Variants in IFNAR2 observed in about 807,000 individuals in gnomAD.
IFNAR2 encodes the protein interferon alpha and beta receptor subunit 2.
IFNAR2 carries 30 observed loss-of-function variants against 49.4 expected under a neutral mutation model. The ratio of observed to expected loss-of-function variants is 0.61; its 90% CI spans 0.45 to 0.82. The LOEUF is 0.82. Ranked by LOEUF, IFNAR2 falls within the 40% of genes least tolerant of loss-of-function variation. IFNAR2 has a pLI of 0.00. For synonymous variants in IFNAR2, 224 were observed against 234.5 expected (o/e 0.96, Z 0.41); for missense variants, 600 against 622.7 (o/e 0.96, Z 0.39).
In IFNAR2 at chr21:33,243,710, G is replaced by A. The variant is rs775529446; in HGVS notation, c.93G>A (p.Ser31=). 50 of 1,611,754 alleles carry A rather than the reference G, an allele frequency of 3.1e-5. No individual in the cohort carries two copies. The highest frequency in any genetic ancestry group is 1.6e-4 in the Middle Eastern group (1 of 6,076). Reference sequence around the variant, plus strand: ...TCGTGTTTGGTATTTCATATGATTCGCCTGGTAAGAGATGTTTTTTGGCTT... The same window carrying A: ...TCGTGTTTGGTATTTCATATGATTCACCTGGTAAGAGATGTTTTTTGGCTT... The part of the protein sequence containing the change: ...ISLVFGISYD[S]PDYTDESCTF... The change falls in exon 3 of 9, where the codon TCG becomes TCA. Residue 31 remains serine (S), a synonymous_variant. Coordinates refer to ENST00000342136, the MANE Select transcript of IFNAR2 (RefSeq NM_001289125.3).
At chr21:33,254,695 G>T (rs1195446647) in intron 7 of IFNAR2, among the ~76,000 whole-genome samples, 1 of 152,104 alleles carries the variant, frequency 6.6e-6, no homozygotes, top group Non-Finnish European at 1.5e-5. Flanking sequence ...GAAAATCTTT[G>T]AATCTACCTA....
chr21:33,253,247 G>T (rs1371734485), intron 7 of IFNAR2, among the ~76,000 whole-genome samples: 2 of 152,180 alleles, frequency 1.3e-5, no homozygotes, highest in Admixed American at 1.3e-4. Flanking sequence ...ATGTGATCTG[G>T]CATCAGCTCT....
intron 1 of IFNAR2, among the ~76,000 whole-genome samples, chr21:33,234,241 C>A (rs903599399): frequency 7.4e-6 from 1 of 134,788 alleles, no homozygotes; most frequent in Non-Finnish European, 1.6e-5. Context: ...ATAGAAAGAT[C>A]TGTGGGATTA....
At position 33,260,164 on chromosome 21, in the gene IFNAR2, A is replaced by T. The variant is rs965835825; in HGVS notation, c.710-433A>T. On this transcript the variant is annotated intron_variant, in intron 7 of 8. Transcript: ENST00000342136. ...CCCAGCGTGGCTAAAGTCCAGCCTCAGAATGACCCAGTTGGTTGTTTTCAA... is the reference window on the plus strand; with the variant it reads ...CCCAGCGTGGCTAAAGTCCAGCCTCTGAATGACCCAGTTGGTTGTTTTCAA... Among the ~76,000 whole-genome samples, 3 of 152,206 alleles carry T rather than the reference A, an allele frequency of 2.0e-5. No homozygotes were observed. The South Asian group carries it at 6.2e-4, about 31-fold the overall frequency.
chr21:33,246,365 C>T (rs1250018051), intron 4 of IFNAR2, among the ~76,000 whole-genome samples: 3 of 152,146 alleles, frequency 2.0e-5, no homozygotes, highest in East Asian at 1.9e-4. Flanking sequence ...CCACTGCACC[C>T]GGCTCCTCCG....
intron 7 of IFNAR2, among the ~76,000 whole-genome samples, chr21:33,259,615 A>G (rs1988434711): frequency 6.6e-6 from 1 of 152,202 alleles, no homozygotes; most frequent in African/African-American, 2.4e-5. Flanking sequence ...TCACCAGTGA[A>G]ATCACTTTGG....
chr21:33,243,627 GC>G, intron 2 of IFNAR2, 45 bp from the exon 3 acceptor site: 1 of 1,521,186 alleles, frequency 6.6e-7, no homozygotes, highest in African/African-American at 1.4e-5. Flanking sequence ...TGCAAGTTGA[GC>G]CCAGATAAAA....
intron 6 of IFNAR2, 97 bp from the exon 7 acceptor site, chr21:33,252,565 A>G: frequency 3.4e-6 from 5 of 1,489,178 alleles, no homozygotes; most frequent in Non-Finnish European, 3.6e-6. Flanking sequence ...TGATAAATCT[A>G]ACCCTGTTTG....
intron 5 of IFNAR2, 66 bp downstream of exon 5, chr21:33,246,956 T>A: frequency 7.2e-7 from 1 of 1,396,968 alleles, no homozygotes; most frequent in Non-Finnish European, 1.0e-6. Context: ...TGCTATTCCA[T>A]GAAATAGGAG....
intron 1 of IFNAR2, chr21:33,236,856 A>G: frequency 1.0e-6 from 1 of 985,290 alleles, no homozygotes; most frequent in Non-Finnish European, 1.2e-6. Flanking sequence ...GGGTACTGAG[A>G]CTAGCCCTGT....
intron 1 of IFNAR2, among the ~76,000 whole-genome samples, chr21:33,233,583 G>A (rs1986218102): frequency 6.6e-6 from 1 of 152,198 alleles, no homozygotes; most frequent in Non-Finnish European, 1.5e-5. Context: ...TCAGACTTCA[G>A]TGCAGCACTA....
At chr21:33,247,787 GA>G (rs1166616806) in intron 5 of IFNAR2, among the ~76,000 whole-genome samples, 1 of 152,172 alleles carries the variant, frequency 6.6e-6, no homozygotes, top group Non-Finnish European at 1.5e-5. Flanking sequence ...GAGTTTCCAA[GA>G]GAACCATCTG....
At position 33,241,987 on chromosome 21, in the gene IFNAR2, G is replaced by C. The variant is rs1469577615; in HGVS notation, c.55+10G>C. 3.1e-6 allele frequency: 5 copies of C among 1,609,374 alleles called. No homozygotes were observed. The Admixed American group carries it at 5.1e-5, about 16-fold the overall frequency. ...AATTTGGTTCTCATGGGTAAGTGCTGCTTTTTATCTTAGCTCTTATAGAAG... is the reference window on the plus strand; with the variant it reads ...AATTTGGTTCTCATGGGTAAGTGCTCCTTTTTATCTTAGCTCTTATAGAAG... On this transcript the variant is annotated intron_variant, in intron 2 of 8. Transcript: ENST00000342136.
At chr21:33,231,404 A>T (rs996929015) in intron 1 of IFNAR2, among the ~76,000 whole-genome samples, 1 of 152,238 alleles carries the variant, frequency 6.6e-6, no homozygotes, top group Non-Finnish European at 1.5e-5. Flanking sequence ...TCAAAAATGT[A>T]CATGACTCAT....
intron 1 of IFNAR2, chr21:33,234,758 T>C (rs1986322500): frequency 1.0e-6 from 1 of 984,978 alleles, no homozygotes; most frequent in Non-Finnish European, 1.2e-6. Context: ...TGTGACAAAA[T>C]TGGGGTTCAG....
At chr21:33,249,781 A>G (rs535135476) in intron 6 of IFNAR2, among the ~76,000 whole-genome samples, 1 of 152,322 alleles carries the variant, frequency 6.6e-6, no homozygotes, top group Non-Finnish European at 1.5e-5. Context: ...AGCCTGAGAG[A>G]TAATCAGGGT....
chr21:33,263,205 G>A lies in IFNAR2; in HGVS notation c.1253G>A (p.Gly418Glu). 6.2e-7 allele frequency: 1 copy of A among 1,614,194 alleles called. No individual in the cohort carries two copies. The highest frequency in any genetic ancestry group is 2.2e-5 in the East Asian group (1 of 44,880). The change falls in exon 9 of 9, where the codon GGG becomes GAG. Residue 418 changes from glycine to glutamate, a missense_variant. Transcript: ENST00000342136. ...EEDYSSTEGS[G>E]GRITFNVDLN... Reference sequence around the variant, plus strand: ...GACTACAGCTCCACGGAGGGGTCTGGGGGCAGAATTACCTTCAATGTGGAC... The same window carrying A: ...GACTACAGCTCCACGGAGGGGTCTGAGGGCAGAATTACCTTCAATGTGGAC...
chr21:33,260,222 C>T (rs1307259403), intron 7 of IFNAR2, among the ~76,000 whole-genome samples: 1 of 152,198 alleles, frequency 6.6e-6, no homozygotes, highest in Non-Finnish European at 1.5e-5. Context: ...TTCCTGCCCG[C>T]AGCGCATGCT....
chr21:33,254,549 C>T (rs9975538), intron 7 of IFNAR2, among the ~76,000 whole-genome samples: 101,664 of 151,430 alleles, frequency 0.67, 34,559 homozygotes, highest in African/African-American at 0.75. Flanking sequence ...TTTTTAAGTC[C>T]AGTAAGAAAC....
Sources: allele counts gnomAD v4.1 joint callset (sites outside exome capture counted in the v4.1 genomes callset), GRCh38; gene constraint gnomAD v4.1.1; transcripts MANE v1.5; gene names NCBI Gene and HGNC (gene_info 2026-07-23, HGNC 2026-07-21).